NDE1: variants seen among roughly 807,000 people sequenced by gnomAD.
NDE1 encodes nuclear distribution protein nudE homolog 1.
NDE1 carries 28 observed loss-of-function variants against 43.4 expected under a neutral mutation model. The observed-to-expected ratio is 0.65, with a 90% confidence interval of 0.48 to 0.89. The LOEUF (loss-of-function observed/expected upper bound fraction) is 0.89, where lower values mean the gene tolerates loss of function less well. Among genes scored for constraint, NDE1 ranks in the 40% least tolerant of loss-of-function variants. The pLI is 0.00. For synonymous variants in NDE1, 184 were observed against 172.0 expected, an observed-to-expected ratio of 1.07 and a Z score of -0.55; for missense variants, 441 against 434.1, an observed-to-expected ratio of 1.02 and a Z score of -0.14.
In NDE1 at chr16:15,720,314, T is replaced by C; in HGVS notation, c.948-3877T>C. On this transcript the variant is annotated intron_variant, in intron 8 of 8. Coordinates refer to ENST00000396354, the MANE Select transcript of NDE1 (RefSeq NM_017668.3). ...CAGTTCCGTCTCATACTCGTGAAGCTGGGCGAGGAATAGAGATGTGTGCTG... is the reference window on the plus strand; with the variant it reads ...CAGTTCCGTCTCATACTCGTGAAGCCGGGCGAGGAATAGAGATGTGTGCTG... 6.2e-7 allele frequency: 1 copy of C among 1,613,668 alleles called. No individual in the cohort carries two copies. Among genetic ancestry groups the C allele is most frequent in the Non-Finnish European group, 8.5e-7 (1 of 1,179,810 alleles).
intron 3 of NDE1, among the ~76,000 whole-genome samples, chr16:15,675,271 T>C (rs2037809289): frequency 6.6e-6 from 1 of 151,592 alleles, no homozygotes; most frequent in Non-Finnish European, 1.5e-5. Context: ...CGATCTGGGC[T>C]CACTGCAACC....
At chr16:15,708,822 T>C in intron 8 of NDE1, 1 of 1,609,780 alleles carries the variant, frequency 6.2e-7, no homozygotes, top group Non-Finnish European at 8.5e-7. Flanking sequence ...CACTGCGAAG[T>C]TTCCTGTGGG....
rs372173243 is a variant in NDE1, at chr16:15,714,962, C to T, written c.948-9229C>T. 40 of 1,613,974 alleles carry T rather than the reference C, an allele frequency of 2.5e-5. No individual in the cohort carries two copies. Among genetic ancestry groups the T allele is most frequent in the Middle Eastern group, 1.6e-4 (1 of 6,080 alleles). ...CGCGGCCCATGGCCTCGTTGCTCTC[C>T]GTGGCCTCATCCAGCTCCCGCTGCA... is the stretch of plus-strand genomic sequence containing the variant. On this transcript the variant is annotated intron_variant, in intron 8 of 8. Transcript: ENST00000396354.
intron 4 of NDE1, among the ~76,000 whole-genome samples, chr16:15,681,106 TA>T (rs1486266860): frequency 6.6e-6 from 1 of 151,288 alleles, no homozygotes; most frequent in Non-Finnish European, 1.5e-5. Flanking sequence ...TTTTTTGCAA[TA>T]TTTTTTAATT....
chr16:15,672,600 A>G (rs1014811961), intron 3 of NDE1: 3 of 152,228 alleles, frequency 2.0e-5, no homozygotes, highest in Non-Finnish European at 4.4e-5. Context: ...CAAACAGAGC[A>G]TCTATTGATG....
rs1421121970 is a variant in NDE1 at position 15,725,707 on chromosome 16, G to C, written c.*1456G>C. The C allele has an allele frequency of 2.5e-6, 1 of 398,730 alleles. No individual in the cohort carries two copies. Among genetic ancestry groups the C allele is most frequent in the Non-Finnish European group, 4.4e-6 (1 of 226,282 alleles). The allele number at this position is 398,730 out of a possible 1,614,324, so 24.7% of individuals were successfully genotyped here. A position where few individuals can be genotyped will look rare whatever the true frequency, so the allele number is the denominator to read the frequency against. On this transcript the variant is annotated 3_prime_UTR_variant, in exon 9 of 9. Transcript: ENST00000396354. ...TCACTTAATTCTTCCCTCGCCCCTT[G>C]GTCCCTGGCTGTGGACATGTTAAAC...
At chr16:15,720,076 C>T in intron 8 of NDE1, 6 of 1,599,334 alleles carry the variant, frequency 3.8e-6, no homozygotes, top group Non-Finnish European at 5.1e-6. Flanking sequence ...CTGGAGCCCG[C>T]TCTGCTGACT....
chr16:15,696,216 A>AT (rs987914605), intron 7 of NDE1, among the ~76,000 whole-genome samples: 2 of 151,018 alleles, frequency 1.3e-5, no homozygotes, highest in African/African-American at 4.9e-5. Context: ...TGCATTAAAA[A>AT]TTTTTTTTAT....
intron 8 of NDE1, among the ~76,000 whole-genome samples, chr16:15,710,038 T>C (rs1358803465): frequency 6.6e-6 from 1 of 152,234 alleles, no homozygotes; most frequent in Non-Finnish European, 1.5e-5. Context: ...CTCAGGGCTC[T>C]AGTGCCTGAT....
Position 15,714,878 on chromosome 16 carries a change from A to T in NDE1, c.948-9313A>T, listed in dbSNP as rs929859985. ...CCAGTGCTTTTCTCTGGCCTGAGAG[A>T]CGGGGTCCTCCCGGGCCACGGGCTC... On this transcript the variant is annotated intron_variant, in intron 8 of 8. Transcript: ENST00000396354. The T allele has an allele frequency of 2.5e-6, 4 of 1,611,858 alleles. No homozygotes were observed. In the African/African-American group the frequency reaches 4.0e-5, roughly 16 times the overall value.
chr16:15,649,120 C>T (rs1318092709), upstream of NDE1, among the ~76,000 whole-genome samples: 2 of 151,128 alleles, frequency 1.3e-5, no homozygotes, highest in South Asian at 4.2e-4. Flanking sequence ...TGCTTGAACT[C>T]AGAAGGCAGA....
intron 1 of NDE1, among the ~76,000 whole-genome samples, chr16:15,661,305 G>A (rs1442996447): frequency 1.3e-5 from 2 of 151,922 alleles, no homozygotes; most frequent in African/African-American, 4.8e-5. Context: ...CCCGCTGCCA[G>A]GCCTGGATAA....
upstream of NDE1, among the ~76,000 whole-genome samples, chr16:15,646,325 C>G (rs2151379057): frequency 6.6e-6 from 1 of 152,278 alleles, no homozygotes; most frequent in East Asian, 1.9e-4. Flanking sequence ...GCCTGTAATC[C>G]CAGCACTTTG....
intron 8 of NDE1, chr16:15,700,497 G>A (rs1292986076): frequency 6.6e-6 from 1 of 150,886 alleles, no homozygotes; most frequent in Non-Finnish European, 1.5e-5. Context: ...TCTTGTCCAG[G>A]CTGGAGTGTA....
chr16:15,687,180 G>C (rs1160490487), intron 4 of NDE1, 195 bp from the exon 5 acceptor site: 33 of 1,504,040 alleles, frequency 2.2e-5, no homozygotes, highest in Non-Finnish European at 2.9e-5. Flanking sequence ...CATGAGCTAT[G>C]ATGAGTCCCA....
chr16:15,659,748 CTT>C (rs36112475), intron 1 of NDE1, among the ~76,000 whole-genome samples: 17 of 98,950 alleles, frequency 1.7e-4, no homozygotes, highest in African/African-American at 3.4e-4. Flanking sequence ...TGGACACAAT[CTT>C]TTTTTTTTTT....
At chr16:15,671,232 G>A (rs1341086590) in intron 3 of NDE1, among the ~76,000 whole-genome samples, 1 of 152,086 alleles carries the variant, frequency 6.6e-6, no homozygotes, top group African/African-American at 2.4e-5. Flanking sequence ...GGCCAGGCAT[G>A]GTGGTTCATA....
chr16:15,646,568 G>C (rs904348391), upstream of NDE1, among the ~76,000 whole-genome samples: 1 of 150,800 alleles, frequency 6.6e-6, no homozygotes, highest in East Asian at 1.9e-4. Context: ...GCAACAGAAC[G>C]AGACTCCGTC....
intron 8 of NDE1, chr16:15,720,433 AT>A: frequency 1.0e-5 from 14 of 1,333,900 alleles, no homozygotes; most frequent in Non-Finnish European, 1.4e-5. Flanking sequence ...TGGGCATCTC[AT>A]CCCCAGTTGC....
Sources: allele counts gnomAD v4.1 joint callset (sites outside exome capture counted in the v4.1 genomes callset), GRCh38; gene constraint gnomAD v4.1.1; transcripts MANE v1.5; gene names NCBI Gene and HGNC (gene_info 2026-07-23, HGNC 2026-07-21).